Variants in PCDH9 observed in about 807,000 individuals in gnomAD.
PCDH9 encodes the protein protocadherin 9.
PCDH9 carries 24 observed loss-of-function variants against 70.6 expected under a neutral mutation model. The ratio of observed to expected loss-of-function variants is 0.34; its 90% confidence interval spans 0.25 to 0.48. PCDH9 has a LOEUF of 0.48. Ranked by LOEUF, PCDH9 falls within the 20% of genes least tolerant of loss-of-function variation. PCDH9 has a pLI of 0.99. For missense variants in PCDH9, 1,281 were observed against 1,503.6 expected (o/e 0.85, Z 2.45); for synonymous variants, 562 against 558.5 (o/e 1.01, Z -0.09).
At chr13:67,006,243 CA>C (rs1391230267) in intron 2 of PCDH9, among the ~76,000 whole-genome samples, 1 of 151,856 alleles carries the variant, frequency 6.6e-6, no homozygotes, top group East Asian at 1.9e-4. Flanking sequence ...AACAAACAAA[CA>C]AAAAAATTGG....
At chr13:66,922,116 T>C (rs1233573782) in intron 2 of PCDH9, among the ~76,000 whole-genome samples, 1 of 151,376 alleles carries the variant, frequency 6.6e-6, no homozygotes, top group African/African-American at 2.4e-5. Flanking sequence ...ATTTATTATA[T>C]TCATGTATCA....
At chr13:66,834,228 G>C (rs937144727) in intron 3 of PCDH9, among the ~76,000 whole-genome samples, 1 of 148,376 alleles carries the variant, frequency 6.7e-6, no homozygotes, top group African/African-American at 2.5e-5. Context: ...TGCAGTCTTG[G>C]CTCACTGCAA....
intron 2 of PCDH9, among the ~76,000 whole-genome samples, chr13:67,034,133 T>C (rs985848831): frequency 6.6e-6 from 1 of 151,920 alleles, no homozygotes; most frequent in Non-Finnish European, 1.5e-5. Flanking sequence ...TACAGGTGCA[T>C]GCCACCACAC....
intron 3 of PCDH9, among the ~76,000 whole-genome samples, chr13:66,756,875 A>G (rs1398597573): frequency 6.6e-6 from 1 of 152,040 alleles, no homozygotes; most frequent in African/African-American, 2.4e-5. Context: ...TAGCTCCATC[A>G]CCCAGGCTGG....
At chr13:66,973,313 C>T (rs2083557425) in intron 2 of PCDH9, among the ~76,000 whole-genome samples, 1 of 151,930 alleles carries the variant, frequency 6.6e-6, no homozygotes, top group Non-Finnish European at 1.5e-5. Flanking sequence ...TAAAGGTTCA[C>T]TTTTATTTTT....
At chr13:66,433,296 G>C (rs537875301) in intron 4 of PCDH9, among the ~76,000 whole-genome samples, 1 of 151,720 alleles carries the variant, frequency 6.6e-6, no homozygotes, top group African/African-American at 2.4e-5. Context: ...TCAAAATTTT[G>C]TATTTAGGAT....
At chr13:66,773,598 C>T (rs1384623679) in intron 3 of PCDH9, among the ~76,000 whole-genome samples, 1 of 149,332 alleles carries the variant, frequency 6.7e-6, no homozygotes, top group Non-Finnish European at 1.5e-5. Flanking sequence ...CTACTGCACT[C>T]CAGCCTGGGC....
chr13:67,149,999 T>C (rs1490970212), intron 2 of PCDH9, among the ~76,000 whole-genome samples: 1 of 152,174 alleles, frequency 6.6e-6, no homozygotes, highest in African/African-American at 2.4e-5. Context: ...GGCAAGAATA[T>C]TTGCAGTTTA....
intron 2 of PCDH9, among the ~76,000 whole-genome samples, chr13:67,152,958 C>T (rs112222157): frequency 6.6e-6 from 1 of 152,002 alleles, no homozygotes; most frequent in Non-Finnish European, 1.5e-5. Context: ...TCCTATGTAT[C>T]CCCCGCCCCA....
intron 4 of PCDH9, among the ~76,000 whole-genome samples, chr13:66,328,636 T>A (rs1955887737): frequency 6.6e-6 from 1 of 152,142 alleles, no homozygotes; most frequent in Non-Finnish European, 1.5e-5. Context: ...TTTATATTCT[T>A]TCCAATTGAT....
intron 3 of PCDH9, among the ~76,000 whole-genome samples, chr13:66,722,118 G>A (rs920260681): frequency 2.0e-5 from 3 of 152,054 alleles, no homozygotes; most frequent in East Asian, 1.9e-4. Context: ...AGATAATCAC[G>A]GACATTTGCC....
chr13:66,754,686 C>G (rs947913505), intron 3 of PCDH9, among the ~76,000 whole-genome samples: 4 of 152,032 alleles, frequency 2.6e-5, no homozygotes, highest in Non-Finnish European at 5.9e-5. Flanking sequence ...CAAGATGAAA[C>G]TGGTATAAAT....
intron 4 of PCDH9, among the ~76,000 whole-genome samples, chr13:66,594,026 G>GT (rs2077070996): frequency 6.6e-6 from 1 of 151,356 alleles, no homozygotes; most frequent in African/African-American, 2.4e-5. Context: ...CACAGTTACT[G>GT]TTTTTTAATA....
At chr13:67,091,065 T>C (rs2086208398) in intron 2 of PCDH9, among the ~76,000 whole-genome samples, 1 of 152,134 alleles carries the variant, frequency 6.6e-6, no homozygotes, top group African/African-American at 2.4e-5. Flanking sequence ...GCAGTGGTTA[T>C]GAAATGACTC....
At chr13:66,855,142 G>A (rs2081374403) in intron 3 of PCDH9, among the ~76,000 whole-genome samples, 2 of 152,074 alleles carry the variant, frequency 1.3e-5, no homozygotes, top group South Asian at 4.1e-4. Context: ...GTGTAAAAGT[G>A]GGTTTGGCAT....
intron 2 of PCDH9, among the ~76,000 whole-genome samples, chr13:66,930,126 T>TA (rs1811148396): frequency 6.6e-6 from 1 of 152,148 alleles, no homozygotes; most frequent in African/African-American, 2.4e-5. Context: ...ACTTTGAGAG[T>TA]ACTACCTCAA....
chr13:66,956,609 A>G (rs1410582407), intron 2 of PCDH9, among the ~76,000 whole-genome samples: 1 of 151,940 alleles, frequency 6.6e-6, no homozygotes, highest in Non-Finnish European at 1.5e-5. Flanking sequence ...AAATTAGCCG[A>G]CCGTGGTGGC....
chr13:66,573,287 G>T (rs7327487), intron 4 of PCDH9, among the ~76,000 whole-genome samples: 15 of 138,414 alleles, frequency 1.1e-4, no homozygotes, highest in Middle Eastern at 4.1e-3. Context: ...TTTTTTTGCT[G>T]GTGAGTTGTT....
chr13:66,766,872 T>C (rs988916837), intron 3 of PCDH9, among the ~76,000 whole-genome samples: 5 of 152,020 alleles, frequency 3.3e-5, no homozygotes, highest in Non-Finnish European at 7.3e-5. Context: ...TCAGCTACTG[T>C]AACATGGTGT....
Sources: allele counts gnomAD v4.1 joint callset (sites outside exome capture counted in the v4.1 genomes callset), GRCh38; gene constraint gnomAD v4.1.1; transcripts MANE v1.5; gene names NCBI Gene and HGNC (gene_info 2026-07-23, HGNC 2026-07-21).